The following ERI1 variants were observed in gnomAD, a reference collection of about 807,000 sequenced individuals.
ERI1 encodes 3'-5' exoribonuclease 1.
A neutral mutation model predicts 39.7 loss-of-function variants in ERI1; 39 were observed. The observed-to-expected ratio is 0.98, with a 90% CI of 0.76 to 1.28. The LOEUF (loss-of-function observed/expected upper bound fraction) is 1.28. ERI1 is among the 50% of genes most tolerant of loss of function. The pLI is 0.00. For synonymous variants in ERI1, 204 were observed against 149.6 expected (o/e 1.36, Z -2.65); for missense variants, 581 against 416.9 (o/e 1.39, Z -3.43).
intron 3 of ERI1, among the ~76,000 whole-genome samples, chr8:9,015,679 G>T (rs1817164086): frequency 7.5e-6 from 1 of 132,816 alleles, no homozygotes; most frequent in Admixed American, 8.2e-5. Context: ...CCGAGATTGT[G>T]GCAGTGCACT....
intron 3 of ERI1, among the ~76,000 whole-genome samples, chr8:9,060,327 T>G (rs1229329577): frequency 1.3e-5 from 2 of 152,078 alleles, no homozygotes. Flanking sequence ...CCAGTGAAAG[T>G]GTCTACCCAG....
intron 2 of ERI1, 21 bp downstream of exon 2, chr8:9,008,169 A>C (rs1403252054): frequency 6.6e-7 from 1 of 1,522,604 alleles, no homozygotes. Flanking sequence ...ATAACTTATA[A>C]AATTATAAAA....
chr8:9,095,264 T>G (rs1017071639), intron 3 of ERI1, among the ~76,000 whole-genome samples: 1 of 152,172 alleles, frequency 6.6e-6, no homozygotes, highest in African/African-American at 2.4e-5. Flanking sequence ...GATGCTGGGG[T>G]TCTGTTGAAT....
At chr8:9,089,141 C>T (rs1211548976) in intron 3 of ERI1, among the ~76,000 whole-genome samples, 1 of 152,226 alleles carries the variant, frequency 6.6e-6, no homozygotes, top group African/African-American at 2.4e-5. Context: ...GCTTCACTCT[C>T]CTCTTTCCTT....
rs773010201 is a variant in ERI1, at chr8:9,011,559, T to TA, written c.308dup (p.Lys104GlufsTer8). The TA allele has an allele frequency of 3.1e-6, 5 of 1,609,456 alleles. No homozygotes were observed. The South Asian group carries it at 5.5e-5, about 18-fold the overall frequency. ...CTACTTAGAGGAGTAAAGGATGTTC[T>TA]AAAGAAGAGACTGAAAAACTATTAT... On this transcript the variant is annotated frameshift_variant, in exon 3 of 7. Coordinates refer to ENST00000250263, the MANE Select transcript of ERI1 (RefSeq NM_153332.4). LOFTEE classifies it high-confidence loss of function.
intron 3 of ERI1, among the ~76,000 whole-genome samples, chr8:9,066,958 G>T (rs1312672871): frequency 6.6e-6 from 1 of 152,212 alleles, no homozygotes; most frequent in Non-Finnish European, 1.5e-5. Flanking sequence ...CAATGTGGCA[G>T]ATGGGAATAA....
At chr8:9,022,484 CTG>C (rs908498212) in intron 6 of ERI1, among the ~76,000 whole-genome samples, 51 of 152,142 alleles carry the variant, frequency 3.4e-4, no homozygotes, top group African/African-American at 1.2e-3. Flanking sequence ...CACTGCAACC[CTG>C]TCTCTTGGGT....
At chr8:9,026,701 T>C (rs973317626) in intron 6 of ERI1, among the ~76,000 whole-genome samples, 4 of 152,182 alleles carry the variant, frequency 2.6e-5, no homozygotes, top group East Asian at 1.9e-4. Flanking sequence ...GAAATTCTCA[T>C]TGGAGCATTT....
intron 3 of ERI1, among the ~76,000 whole-genome samples, chr8:9,046,900 C>A (rs1331002069): frequency 1.3e-5 from 2 of 152,220 alleles, no homozygotes; most frequent in Non-Finnish European, 2.9e-5. Flanking sequence ...GAGCCAATTT[C>A]ACACACGCTG....
chr8:9,092,635 C>T (rs547590241), intron 3 of ERI1, among the ~76,000 whole-genome samples: 7 of 152,300 alleles, frequency 4.6e-5, no homozygotes, highest in African/African-American at 9.6e-5. Context: ...GAGCTGAGAG[C>T]GCTGAGAGCA....
intron 3 of ERI1, among the ~76,000 whole-genome samples, chr8:9,061,779 C>G (rs1270680401): frequency 6.6e-6 from 1 of 151,306 alleles, no homozygotes; most frequent in African/African-American, 2.4e-5. Flanking sequence ...TTGGGCTTGA[C>G]TGAAGTAATG....
intron 3 of ERI1, among the ~76,000 whole-genome samples, chr8:9,046,100 C>T (rs1482899529): frequency 1.3e-5 from 2 of 152,222 alleles, no homozygotes; most frequent in Non-Finnish European, 2.9e-5. Flanking sequence ...CAAATTCCCA[C>T]AGGTAACTGT....
At chr8:9,066,086 G>A (rs1189694677) in intron 3 of ERI1, among the ~76,000 whole-genome samples, 1 of 152,096 alleles carries the variant, frequency 6.6e-6, no homozygotes, top group East Asian at 1.9e-4. Context: ...TATCTGCAGT[G>A]CCCTGTTTGC....
At chr8:9,021,030 A>T (rs542271090) in intron 6 of ERI1, among the ~76,000 whole-genome samples, 30 of 152,218 alleles carry the variant, frequency 2.0e-4, no homozygotes, top group African/African-American at 7.0e-4. Context: ...CTGAAAGATC[A>T]AGATTGAGTT....
chr8:9,031,219 A>G lies in ERI1; in HGVS notation c.*1185A>G, dbSNP rs372853763. The G allele has an allele frequency of 2.2e-4, 33 of 152,352 alleles. No homozygotes were observed. In the East Asian group the frequency reaches 2.9e-3, roughly 13 times the overall value. The allele number at this position is 152,352 out of a possible 1,614,324, so 9.4% of individuals were successfully genotyped here. ...ACTTTATTCTAAAGATTTATATTTT[A>G]TAACCAGATGAATTTCCTCAAAGGT... On this transcript the variant is annotated 3_prime_UTR_variant, in exon 7 of 7. Transcript: ENST00000250263.
intron 3 of ERI1, among the ~76,000 whole-genome samples, chr8:9,013,414 T>G (rs1816885531): frequency 6.6e-6 from 1 of 152,072 alleles, no homozygotes; most frequent in South Asian, 2.1e-4. Context: ...TTGTTCTGCT[T>G]GATTTTTCTC....
downstream of ERI1, among the ~76,000 whole-genome samples, chr8:9,034,297 C>T (rs998634194): frequency 1.3e-5 from 2 of 152,256 alleles, no homozygotes; most frequent in Non-Finnish European, 2.9e-5. Flanking sequence ...TGTGGAGCCA[C>T]AAGGCATGCT....
Position 9,094,612 on chromosome 8 carries a change from T to C in ERI1, n.300-21736T>C, listed in dbSNP as rs528034294. Among the ~76,000 whole-genome samples, 13 of 152,330 alleles carry C rather than the reference T, an allele frequency of 8.5e-5. No individual in the cohort carries two copies. The South Asian group carries it at 2.5e-3, about 29-fold the overall frequency. ...CTCAGAACAAAGACCACATCTCCTT[T>C]TCTCTCTTCTCTGTGTGCTAGTTGG... On this transcript the variant is annotated intron_variant and non_coding_transcript_variant, in intron 3 of 3. Transcript: ENST00000518663.
intron 3 of ERI1, among the ~76,000 whole-genome samples, chr8:9,039,348 T>A (rs1797948530): frequency 6.6e-6 from 1 of 152,224 alleles, no homozygotes; most frequent in Non-Finnish European, 1.5e-5. Context: ...ATGTTCATCA[T>A]ATAATGAAAT....
Sources: gnomAD v4.1 joint callset for allele counts (sites outside exome capture counted in the v4.1 genomes callset) on GRCh38, gnomAD v4.1.1 for gene constraint, MANE v1.5 for transcripts, NCBI Gene and HGNC (gene_info 2026-07-23, HGNC 2026-07-21) for gene names.